Variants in CERS4 observed in about 807,000 individuals in gnomAD.
CERS4 encodes the protein LAG1 homolog, ceramide synthase 4.
In CERS4, 65 loss-of-function variants were observed where a neutral mutation model predicts 51.8. That is an observed-to-expected ratio of 1.26 (90% CI 1.03 to 1.54). The LOEUF (loss-of-function observed/expected upper bound fraction) is 1.54. Among genes scored for constraint, CERS4 ranks in the 40% most tolerant of loss-of-function variants. The pLI is 0.00. For synonymous variants in CERS4, 228 were observed against 208.4 expected (o/e 1.09, Z -0.81); for missense variants, 563 against 500.4 (o/e 1.13, Z -1.19).
At position 8,261,625 on chromosome 19, in the gene CERS4, C is replaced by A. The variant is rs187336194; in HGVS notation, c.849-63C>A. On this transcript the variant is annotated intron_variant, in intron 10 of 11. Coordinates refer to ENST00000251363, the MANE Select transcript of CERS4 (RefSeq NM_024552.3). ...GGGAAGGCCATGCCAGTTAGAAATT[C>A]TTAGGACTGGGGGCTACAGCGGCTG... The A allele has an allele frequency of 1.6e-4, 248 of 1,593,048 alleles. 1 individual carries two copies. In the African/African-American group the frequency reaches 2.5e-3, roughly 16 times the overall value.
In CERS4 at chr19:8,254,576, TGGAGAA is replaced by T; in HGVS notation, c.252_257del (p.Glu85_Lys86del). On this transcript the variant is annotated inframe_deletion, in exon 4 of 12. Coordinates refer to ENST00000251363, the MANE Select transcript of CERS4 (RefSeq NM_024552.3). ...AGGCAAGTGAAGCCCAACGCCACGC[TGGAGAA>T]ACACTTCCTCACGGAAGGGCACAGG... 1.2e-6 allele frequency: 2 copies of T among 1,613,024 alleles called. No homozygotes were observed. The highest frequency in any genetic ancestry group is 2.2e-5 in the South Asian group (2 of 90,872).
At chr19:8,233,044 TTTTTA>T (rs1451258651) in intron 2 of CERS4, among the ~76,000 whole-genome samples, 4 of 150,942 alleles carry the variant, frequency 2.7e-5, no homozygotes, top group East Asian at 1.9e-4. Flanking sequence ...AGCCTGAATC[TTTTTA>T]TTTTATTTTT....
At chr19:8,255,483 A>C in intron 4 of CERS4, 124 bp from the exon 5 acceptor site, 1 of 833,722 alleles carries the variant, frequency 1.2e-6, no homozygotes, top group South Asian at 1.7e-5. Flanking sequence ...CCATATAGAC[A>C]TGGTCACCCT....
In CERS4 at chr19:8,260,578, G is replaced by A. The variant is rs189013171; in HGVS notation, c.849-1110G>A. ...GAAAAGAAATAAGTTGGTGCCCAGAGGGGCAGAGTAAAGAGTGAGCTTTTT... is the reference window on the plus strand; with the variant it reads ...GAAAAGAAATAAGTTGGTGCCCAGAAGGGCAGAGTAAAGAGTGAGCTTTTT... On this transcript the variant is annotated intron_variant, in intron 10 of 11. Coordinates refer to ENST00000251363, the MANE Select transcript of CERS4 (RefSeq NM_024552.3). 4.0e-5 allele frequency among the ~76,000 whole-genome samples: 6 copies of A among 151,730 alleles called. No individual in the cohort carries two copies. The East Asian group carries it at 1.2e-3, about 29-fold the overall frequency.
chr19:8,216,841 G>C (rs1435835676), intron 2 of CERS4, among the ~76,000 whole-genome samples: 1 of 152,126 alleles, frequency 6.6e-6, no homozygotes, highest in Non-Finnish European at 1.5e-5. Flanking sequence ...TGGGGGTAGC[G>C]TACCTCGGGT....
At chr19:8,252,645 G>C (rs983254566) in intron 3 of CERS4, among the ~76,000 whole-genome samples, 21 of 152,084 alleles carry the variant, frequency 1.4e-4, no homozygotes, top group African/African-American at 5.1e-4. Flanking sequence ...TGCCATGTTG[G>C]CCAGACTAGT....
intron 6 of CERS4, 90 bp from the exon 7 acceptor site, chr19:8,256,146 G>T: frequency 2.2e-6 from 3 of 1,353,214 alleles, no homozygotes; most frequent in African/African-American, 2.9e-5. Flanking sequence ...GCATCTATGT[G>T]ACTGTGGAAG....
chr19:8,254,818 CT>C (rs375824755), intron 4 of CERS4, among the ~76,000 whole-genome samples: 1 of 152,192 alleles, frequency 6.6e-6, no homozygotes, highest in East Asian at 1.9e-4. Flanking sequence ...CGCCCCACCC[CT>C]CCCAGCATCC....
At chr19:8,249,206 A>ATGGGTGGATGGATGATGGG (rs1555778111) in intron 2 of CERS4, among the ~76,000 whole-genome samples, 1,596 of 148,586 alleles carry the variant, frequency 0.011, 39 homozygotes, top group African/African-American at 0.038. Context: ...TGGATGGACG[A>ATGGGTGGATGGATGATGGG]TGGGTGGATG....
intron 2 of CERS4, among the ~76,000 whole-genome samples, chr19:8,215,534 C>A (rs367796371): frequency 5.3e-5 from 8 of 152,044 alleles, no homozygotes; most frequent in Admixed American, 2.0e-4. Context: ...GGGCCAGCCT[C>A]TAGCCTGCAG....
chr19:8,249,481 C>T (rs996893567), intron 2 of CERS4, among the ~76,000 whole-genome samples: 10 of 151,820 alleles, frequency 6.6e-5, no homozygotes, highest in Non-Finnish European at 1.3e-4. Context: ...GCAGTAGGCT[C>T]TCTTACCCTC....
intron 4 of CERS4, 63 bp from the exon 5 acceptor site, chr19:8,255,544 G>C: frequency 7.0e-7 from 1 of 1,425,472 alleles, no homozygotes; most frequent in Non-Finnish European, 9.7e-7. Context: ...AGTCCTGTCT[G>C]GGGACATGGG....
At chr19:8,248,605 G>A (rs552783693) in intron 2 of CERS4, among the ~76,000 whole-genome samples, 125 of 150,862 alleles carry the variant, frequency 8.3e-4, no homozygotes, top group Middle Eastern at 3.4e-3. Context: ...GAATGGGTAG[G>A]TGGATGGATG....
intron 2 of CERS4, among the ~76,000 whole-genome samples, chr19:8,238,181 G>A (rs1260330646): frequency 3.3e-5 from 5 of 151,998 alleles, no homozygotes; most frequent in Non-Finnish European, 1.5e-5. Flanking sequence ...GGCCCCTGGA[G>A]ATCTCACCCT....
intron 3 of CERS4, among the ~76,000 whole-genome samples, 177 bp from the exon 4 acceptor site, chr19:8,254,322 C>CAAAAAAAAAAAAAAA (rs74176633): frequency 7.7e-5 from 3 of 38,770 alleles, no homozygotes; most frequent in African/African-American, 2.4e-4. Context: ...TACTCTGTCT[C>CAAAAAAAAAAAAAAA]AAAAAAAAAA....
intron 2 of CERS4, among the ~76,000 whole-genome samples, chr19:8,247,964 C>A (rs1047995320): frequency 1.3e-5 from 2 of 151,738 alleles, no homozygotes; most frequent in Non-Finnish European, 2.9e-5. Flanking sequence ...GAACTCCTGA[C>A]CTCAGATGAT....
chr19:8,238,600 G>C (rs536721231), intron 2 of CERS4: 10 of 985,224 alleles, frequency 1.0e-5, no homozygotes, highest in Non-Finnish European at 1.2e-5. Flanking sequence ...TCCCACAGCA[G>C]GCACCAGGCC....
chr19:8,254,463 A>G (rs1969261871), intron 3 of CERS4, 36 bp from the exon 4 acceptor site: 1 of 1,600,786 alleles, frequency 6.2e-7, no homozygotes, highest in East Asian at 2.2e-5. Flanking sequence ...CCATCTCTTC[A>G]CCTGGGCTGA....
chr19:8,261,792 T>A lies in CERS4; in HGVS notation c.953T>A (p.Phe318Tyr). 3 of 1,614,182 alleles carry A rather than the reference T, an allele frequency of 1.9e-6. No individual in the cohort carries two copies. Among genetic ancestry groups the A allele is most frequent in the Non-Finnish European group, 2.5e-6 (3 of 1,180,022 alleles). Residue 318 changes from phenylalanine to tyrosine, a missense_variant, in exon 11 of 12, where the codon TTC becomes TAC. Phe to Tyr is a conservative substitution (Grantham distance 22). Coordinates refer to ENST00000251363, the MANE Select transcript of CERS4 (RefSeq NM_024552.3). The part of the protein sequence containing the change: ...LLMLLQLLHV[F>Y]WSCLILRMLY... ...ATGTTGCTGCAGCTGCTGCACGTGTTCTGGTCTTGCCTCATTCTGCGCATG... is the reference window on the plus strand; with the variant it reads ...ATGTTGCTGCAGCTGCTGCACGTGTACTGGTCTTGCCTCATTCTGCGCATG...
Sources: allele counts gnomAD v4.1 joint callset (sites outside exome capture counted in the v4.1 genomes callset), GRCh38; gene constraint gnomAD v4.1.1; transcripts MANE v1.5; gene names NCBI Gene and HGNC (gene_info 2026-07-23, HGNC 2026-07-21).